CDC5L: variants seen among roughly 807,000 people sequenced by gnomAD.
The protein encoded by CDC5L is cell division cycle 5-like protein.
Under a neutral mutation model 104.1 loss-of-function variants are expected in CDC5L, and 18 were observed. The ratio of observed to expected loss-of-function variants is 0.17; its 90% CI spans 0.12 to 0.26. CDC5L has a LOEUF of 0.26. Ranked by LOEUF, CDC5L falls within the 10% of genes least tolerant of loss-of-function variation. The probability of loss-of-function intolerance (pLI) is 1.00; values close to 1 mark genes in which losing one functional copy is unlikely to be tolerated. For synonymous variants in CDC5L, 331 were observed against 322.7 expected, an observed-to-expected ratio of 1.03 and a Z score of -0.28; for missense variants, 673 against 956.9, an observed-to-expected ratio of 0.70 and a Z score of 3.91.
At chr6:44,435,161 GAT>G (rs1269219407) in intron 14 of CDC5L, among the ~76,000 whole-genome samples, 1 of 141,028 alleles carries the variant, frequency 7.1e-6, no homozygotes, top group Non-Finnish European at 1.5e-5. Context: ...ACTAAACTGG[GAT>G]CATATTCTAC....
At position 44,444,944 on chromosome 6, in the gene CDC5L, G is replaced by A. The variant is rs11572044; in HGVS notation, c.2092-711G>A. On this transcript the variant is annotated intron_variant, in intron 14 of 15. Transcript: ENST00000371477. ...CCAGCTGCTGCTTAGGCTGCCAGAA[G>A]GCTACTTTTGCACTGTCCCATTAAC... Among the ~76,000 whole-genome samples, 1,208 of 152,220 alleles carry A rather than the reference G, an allele frequency of 7.9e-3. 21 individuals are homozygous for A. Among genetic ancestry groups the A allele is most frequent in the African/African-American group, 0.028 (1,155 of 41,534 alleles).
At chr6:44,406,514 A>G (rs750655604) in intron 7 of CDC5L, 47 bp downstream of exon 7, 55 of 1,512,742 alleles carry the variant, frequency 3.6e-5, no homozygotes, top group Admixed American at 5.7e-5. Context: ...TTATATGCTT[A>G]TATCATTTAT....
chr6:44,419,835 G>A (rs962814227), intron 9 of CDC5L, among the ~76,000 whole-genome samples: 2 of 152,048 alleles, frequency 1.3e-5, no homozygotes, highest in African/African-American at 2.4e-5. Flanking sequence ...GCAGTAGCGC[G>A]ATCTCAGCTT....
intron 14 of CDC5L, among the ~76,000 whole-genome samples, chr6:44,439,484 G>A (rs1337700912): frequency 6.6e-6 from 1 of 152,050 alleles, no homozygotes; most frequent in East Asian, 1.9e-4. Context: ...TTACACTGTA[G>A]GACAGAGGTC....
chr6:44,406,969 A>G (rs1364454164), intron 7 of CDC5L, among the ~76,000 whole-genome samples: 3 of 152,180 alleles, frequency 2.0e-5, no homozygotes, highest in African/African-American at 7.2e-5. Context: ...TAATTGTGAT[A>G]TAGTATGATA....
At chr6:44,443,933 C>A (rs949408814) in intron 14 of CDC5L, among the ~76,000 whole-genome samples, 1 of 151,868 alleles carries the variant, frequency 6.6e-6, no homozygotes, top group Non-Finnish European at 1.5e-5. Context: ...TTACGTGAGA[C>A]AACTGCCTCT....
At chr6:44,422,156 T>C (rs143005556) in intron 9 of CDC5L, among the ~76,000 whole-genome samples, 16 of 152,364 alleles carry the variant, frequency 1.1e-4, no homozygotes, top group East Asian at 7.7e-4. Flanking sequence ...AAAAGTGTGG[T>C]GTTTGGTTTC....
chr6:44,392,378 A>G (rs1217145703), intron 2 of CDC5L, among the ~76,000 whole-genome samples: 1 of 152,236 alleles, frequency 6.6e-6, no homozygotes, highest in African/African-American at 2.4e-5. Context: ...TTTCTAGAAA[A>G]GCGTAAATAA....
chr6:44,446,137 G>A (rs923309586), intron 15 of CDC5L, among the ~76,000 whole-genome samples: 1 of 152,188 alleles, frequency 6.6e-6, no homozygotes, highest in Middle Eastern at 3.2e-3. Flanking sequence ...TAGCCCTTGT[G>A]ATTTGTCCCC....
intron 14 of CDC5L, among the ~76,000 whole-genome samples, chr6:44,431,611 G>A (rs1218934897): frequency 6.6e-6 from 1 of 152,064 alleles, no homozygotes. Context: ...TTTTTTAAAT[G>A]GTAGAAAATT....
chr6:44,418,237 C>T (rs1242101422), intron 8 of CDC5L, among the ~76,000 whole-genome samples: 2 of 151,928 alleles, frequency 1.3e-5, no homozygotes, highest in Non-Finnish European at 2.9e-5. Context: ...TGAGTGAGAA[C>T]ATGCGGTGTT....
At chr6:44,442,017 A>G (rs1793218662) in intron 14 of CDC5L, among the ~76,000 whole-genome samples, 1 of 145,458 alleles carries the variant, frequency 6.9e-6, no homozygotes, top group Admixed American at 7.2e-5. Context: ...GCTCACTGCA[A>G]CCTCTACCTC....
intron 5 of CDC5L, among the ~76,000 whole-genome samples, chr6:44,399,449 C>T (rs1791018658): frequency 6.6e-6 from 1 of 152,152 alleles, no homozygotes; most frequent in African/African-American, 2.4e-5. Context: ...TTTCACTTCT[C>T]TCCTTTTGGT....
intron 5 of CDC5L, among the ~76,000 whole-genome samples, chr6:44,399,284 G>A (rs1191283132): frequency 6.6e-6 from 1 of 152,018 alleles, no homozygotes; most frequent in African/African-American, 2.4e-5. Context: ...TCTCGTCTTT[G>A]GCTTTCAACA....
chr6:44,410,075 T>G (rs1180258439), intron 8 of CDC5L, among the ~76,000 whole-genome samples: 2 of 152,154 alleles, frequency 1.3e-5, no homozygotes, highest in Non-Finnish European at 2.9e-5. Context: ...ATCATTTTTT[T>G]GTGGTAAGAA....
intron 9 of CDC5L, among the ~76,000 whole-genome samples, chr6:44,422,209 C>T (rs1270672538): frequency 6.6e-6 from 1 of 152,140 alleles, no homozygotes; most frequent in Non-Finnish European, 1.5e-5. Context: ...AAAGTGTGTA[C>T]ATTTGTAATA....
At chr6:44,406,974 A>G (rs1791398066) in intron 7 of CDC5L, among the ~76,000 whole-genome samples, 1 of 152,198 alleles carries the variant, frequency 6.6e-6, no homozygotes, top group East Asian at 1.9e-4. Context: ...GTGATATAGT[A>G]TGATAAGATA....
intron 1 of CDC5L, among the ~76,000 whole-genome samples, chr6:44,388,715 T>A (rs1434505689): frequency 6.6e-6 from 1 of 151,244 alleles, no homozygotes; most frequent in Admixed American, 6.6e-5. Flanking sequence ...TTCCTAGCGC[T>A]TGACATCTTT....
chr6:44,394,564 A>G (rs887580877), intron 4 of CDC5L, among the ~76,000 whole-genome samples: 12 of 152,118 alleles, frequency 7.9e-5, no homozygotes, highest in African/African-American at 1.2e-4. Context: ...GAATGGATAA[A>G]GAAAATGTGG....
Sources: allele counts gnomAD v4.1 joint callset (sites outside exome capture counted in the v4.1 genomes callset), GRCh38; gene constraint gnomAD v4.1.1; transcripts MANE v1.5; gene names NCBI Gene and HGNC (gene_info 2026-07-23, HGNC 2026-07-21).